Variants in HIVEP2 observed in about 807,000 individuals in gnomAD.
HIVEP2 encodes the protein HIVEP zinc finger 2, also known as transcription factor HIVEP2.
A neutral mutation model predicts 180.7 loss-of-function variants in HIVEP2; 14 were observed. The ratio of observed to expected loss-of-function variants is 0.08; its 90% CI spans 0.05 to 0.12. The LOEUF (loss-of-function observed/expected upper bound fraction) is 0.12. Among genes scored for constraint, HIVEP2 ranks in the 10% least tolerant of loss-of-function variants. HIVEP2 has a pLI of 1.00. For missense variants in HIVEP2, 2,579 were observed against 3,008.5 expected, an observed-to-expected ratio of 0.86 and a Z score of 3.34; for synonymous variants, 1,184 against 1,136.4, an observed-to-expected ratio of 1.04 and a Z score of -0.84.
chr6:142,877,468 C>G (rs1776472763), intron 1 of HIVEP2, among the ~76,000 whole-genome samples: 1 of 152,128 alleles, frequency 6.6e-6, no homozygotes, highest in Non-Finnish European at 1.5e-5. Flanking sequence ...CAGTTCAGAA[C>G]TGAAATTCCT....
chr6:142,847,331 C>T (rs891445340), intron 1 of HIVEP2, among the ~76,000 whole-genome samples: 5 of 152,092 alleles, frequency 3.3e-5, no homozygotes, highest in African/African-American at 1.2e-4. Context: ...CCTTTAAAAA[C>T]ATCTTTTCTA....
At chr6:142,765,416 C>A (rs964191940) in intron 6 of HIVEP2, among the ~76,000 whole-genome samples, 2 of 152,224 alleles carry the variant, frequency 1.3e-5, no homozygotes, top group African/African-American at 4.8e-5. Context: ...ATACAACCCT[C>A]TAAATTTGCT....
chr6:142,787,685 A>C (rs1047393090), intron 2 of HIVEP2, among the ~76,000 whole-genome samples: 2 of 152,182 alleles, frequency 1.3e-5, no homozygotes, highest in African/African-American at 4.8e-5. Flanking sequence ...TAGACAACAC[A>C]CATACACACA....
At chr6:142,897,979 A>G (rs1469620440) in intron 1 of HIVEP2, among the ~76,000 whole-genome samples, 2 of 152,154 alleles carry the variant, frequency 1.3e-5, no homozygotes, top group Non-Finnish European at 2.9e-5. Context: ...CCTGCTCTCA[A>G]CAAATGATTC....
chr6:142,768,668 A>T, intron 5 of HIVEP2, 132 bp from the exon 6 acceptor site: 1 of 764,804 alleles, frequency 1.3e-6, no homozygotes, highest in Non-Finnish European at 2.1e-6. Flanking sequence ...AGTTATATAA[A>T]ATAAGGACCA....
chr6:142,869,422 T>TA (rs1333296900), intron 1 of HIVEP2, among the ~76,000 whole-genome samples: 4 of 152,106 alleles, frequency 2.6e-5, no homozygotes, highest in Admixed American at 6.5e-5. Flanking sequence ...TGACTCAGAA[T>TA]AAAAAAATTA....
At chr6:142,833,571 A>G (rs546075076) in intron 2 of HIVEP2, among the ~76,000 whole-genome samples, 3 of 152,360 alleles carry the variant, frequency 2.0e-5, no homozygotes, top group Admixed American at 2.0e-4. Flanking sequence ...TTTAGTTAAT[A>G]CTTACTGATG....
chr6:142,769,142 T>C (rs912180306), intron 5 of HIVEP2, among the ~76,000 whole-genome samples: 45 of 152,224 alleles, frequency 3.0e-4, no homozygotes, highest in African/African-American at 1.0e-3. Context: ...TCCTCCTTCT[T>C]CGTCTTTCCT....
In HIVEP2 at chr6:142,770,729, C is replaced by T. The variant is rs752865742; in HGVS notation, c.4010G>A (p.Arg1337Gln). The T allele has an allele frequency of 6.2e-7, 1 of 1,614,180 alleles. No individual in the cohort carries two copies. The highest frequency in any genetic ancestry group is 2.2e-5 in the East Asian group (1 of 44,886). The stretch of plus-strand genomic sequence containing the variant: ...ATAGGATGGTACGTGCGTCTGGATC[C>T]GAACAGGAACCACTGTTCCTGGGAG... Reference protein sequence around the residue: ...QSLPGTVVPVRIQTHVPSYGS... With the variant: ...QSLPGTVVPVQIQTHVPSYGS... Residue 1337 changes from arginine (R) to glutamine (Q), a missense_variant, in exon 5 of 10, where the codon CGG becomes CAG. By Grantham distance (43) the Arg-to-Gln change is conservative. Coordinates refer to ENST00000367603, the MANE Select transcript of HIVEP2 (RefSeq NM_006734.4). This position sits in a 1 kb window ranked among gnomAD's most constrained non-coding sequence, Gnocchi z 4.7.
intron 2 of HIVEP2, among the ~76,000 whole-genome samples, chr6:142,800,962 T>C (rs926144617): frequency 1.1e-4 from 17 of 152,098 alleles, no homozygotes; most frequent in Non-Finnish European, 1.5e-5. Context: ...TACATAGTGA[T>C]AACTGGCAGA....
chr6:142,931,859 G>A (rs1310147867), intron 1 of HIVEP2, among the ~76,000 whole-genome samples: 1 of 152,104 alleles, frequency 6.6e-6, no homozygotes, highest in African/African-American at 2.4e-5. Context: ...AACCCCTTAA[G>A]CTGGAATATG....
intron 1 of HIVEP2, among the ~76,000 whole-genome samples, chr6:142,935,660 C>T (rs1446477221): frequency 6.6e-6 from 1 of 152,010 alleles, no homozygotes; most frequent in Admixed American, 6.6e-5. Context: ...TTCTCATGGC[C>T]CCCATCTTAT....
rs1203199232 is a variant in HIVEP2, at chr6:142,822,989, A to G, written c.-528+13946T>C. ...CACACAGGACCTCCAGTCCCCTTAA[A>G]AAGTCCCAACTAAGTATATCTAGGA... On this transcript the variant is annotated intron_variant, in intron 2 of 9. Coordinates refer to ENST00000367603, the MANE Select transcript of HIVEP2 (RefSeq NM_006734.4). Among the ~76,000 whole-genome samples the G allele has an allele frequency of 7.2e-5, 11 of 152,290 alleles. No homozygotes were observed. In the East Asian group the frequency reaches 2.1e-3, roughly 29 times the overall value.
At chr6:142,781,682 A>G (rs1443836311) in intron 3 of HIVEP2, among the ~76,000 whole-genome samples, 2 of 152,242 alleles carry the variant, frequency 1.3e-5, no homozygotes, top group Non-Finnish European at 2.9e-5. Flanking sequence ...TACAGGGAAG[A>G]GCAGGCATTC....
At chr6:142,799,375 G>T (rs1176544314) in intron 2 of HIVEP2, among the ~76,000 whole-genome samples, 1 of 152,042 alleles carries the variant, frequency 6.6e-6, no homozygotes, top group East Asian at 1.9e-4. Context: ...GCTATCTATG[G>T]TAACACCTAG....
Position 142,768,549 on chromosome 6 carries a change from A to G in HIVEP2, c.5188-13T>C. On this transcript the variant is annotated splice_polypyrimidine_tract_variant and intron_variant, in intron 5 of 9. Coordinates refer to ENST00000367603, the MANE Select transcript of HIVEP2 (RefSeq NM_006734.4). Reference sequence around the variant, plus strand: ...CATCAGGTTTCATCTGTAAGACAAGAAGAGAGAATCATTTCACATGCTTTC... The same window carrying G: ...CATCAGGTTTCATCTGTAAGACAAGGAGAGAGAATCATTTCACATGCTTTC... The G allele has an allele frequency of 6.2e-7, 1 of 1,611,614 alleles. No individual in the cohort carries two copies. Among genetic ancestry groups the G allele is most frequent in the Non-Finnish European group, 8.5e-7 (1 of 1,179,150 alleles).
intron 1 of HIVEP2, among the ~76,000 whole-genome samples, chr6:142,843,989 T>C (rs1426353765): frequency 6.6e-6 from 1 of 152,186 alleles, no homozygotes; most frequent in African/African-American, 2.4e-5. Flanking sequence ...ATTTTACTTT[T>C]ATTATAAAAA....
In HIVEP2 at chr6:142,901,244, TTA is replaced by T. The variant is rs1426711592; in HGVS notation, c.-641+43853_-641+43854del. 5.8e-4 allele frequency among the ~76,000 whole-genome samples: 88 copies of T among 152,190 alleles called. 3 individuals are homozygous for T. On this transcript the variant is annotated intron_variant, in intron 1 of 9. Transcript: ENST00000367603. ...GTGACCTTATCACATCTAGGGGAGTTTATGAGAAATGCAAAGTACAAATCAAT... is the reference window on the plus strand; with the variant it reads ...GTGACCTTATCACATCTAGGGGAGTTTGAGAAATGCAAAGTACAAATCAAT...
At chr6:142,858,135 A>C (rs1775874972) in intron 1 of HIVEP2, among the ~76,000 whole-genome samples, 1 of 152,220 alleles carries the variant, frequency 6.6e-6, no homozygotes, top group South Asian at 2.1e-4. Context: ...GACATAAAGC[A>C]TCAAGATCCC....
Sources: allele counts gnomAD v4.1 joint callset (sites outside exome capture counted in the v4.1 genomes callset), GRCh38; gene constraint gnomAD v4.1.1; non-coding constraint Gnocchi (gnomAD v3.1); transcripts MANE v1.5; gene names NCBI Gene and HGNC (gene_info 2026-07-23, HGNC 2026-07-21).